ARHGAP28: variants seen among roughly 807,000 people sequenced by gnomAD.
ARHGAP28 encodes the protein rho GTPase-activating protein 28.
In ARHGAP28, 56 loss-of-function variants were observed where a neutral mutation model predicts 90.7. That is an observed-to-expected ratio of 0.62 (90% confidence interval 0.50 to 0.77). The LOEUF (loss-of-function observed/expected upper bound fraction) is 0.77, where lower values mean the gene tolerates loss of function less well. ARHGAP28 is among the 30% of genes least tolerant of loss of function. ARHGAP28 has a pLI of 0.00. For synonymous variants in ARHGAP28, 308 were observed against 323.3 expected (o/e 0.95, Z 0.51); for missense variants, 869 against 900.9 (o/e 0.96, Z 0.45).
chr18:6,804,447 G>T (rs371442647), intron 1 of ARHGAP28, among the ~76,000 whole-genome samples: 3 of 151,472 alleles, frequency 2.0e-5, no homozygotes, highest in East Asian at 3.9e-4. Context: ...TTTGGTTCTG[G>T]TACTTGTTAT....
intron 1 of ARHGAP28, among the ~76,000 whole-genome samples, chr18:6,759,346 A>C (rs897217083): frequency 2.0e-5 from 3 of 152,170 alleles, no homozygotes; most frequent in Non-Finnish European, 4.4e-5. Flanking sequence ...CACTTAGAAC[A>C]TTCTATGATC....
intron 1 of ARHGAP28, among the ~76,000 whole-genome samples, chr18:6,734,983 A>T (rs984967354): frequency 6.6e-6 from 1 of 152,108 alleles, no homozygotes; most frequent in African/African-American, 2.4e-5. Context: ...ATTTCCTTTG[A>T]TGGTATCATA....
At chr18:6,836,852 A>G (rs987472725) in intron 2 of ARHGAP28, among the ~76,000 whole-genome samples, 11 of 152,284 alleles carry the variant, frequency 7.2e-5, no homozygotes, top group African/African-American at 2.2e-4. Context: ...ACCAATTTGT[A>G]TTCCATTAAG....
intron 17 of ARHGAP28, among the ~76,000 whole-genome samples, chr18:6,909,898 C>T (rs2057386836): frequency 6.6e-6 from 1 of 152,140 alleles, no homozygotes; most frequent in African/African-American, 2.4e-5. Context: ...TCCCTCCCAA[C>T]TGTAGCATTT....
At chr18:6,744,087 C>T (rs998500005) in intron 1 of ARHGAP28, among the ~76,000 whole-genome samples, 3 of 151,894 alleles carry the variant, frequency 2.0e-5, no homozygotes, top group Non-Finnish European at 4.4e-5. Context: ...ATGTAACTAA[C>T]GTTTAGGGCT....
At chr18:6,865,207 A>C (rs2057029342) in intron 5 of ARHGAP28, among the ~76,000 whole-genome samples, 1 of 152,176 alleles carries the variant, frequency 6.6e-6, no homozygotes. Flanking sequence ...AACTTTGGCT[A>C]TTCTCATGGA....
rs568505433 is a variant in ARHGAP28 at position 6,783,332 on chromosome 18, G to A, written c.123-41430G>A. ...TTTTTTTTTTTTGAGATGGAGTTTC[G>A]CTCTTGTTACCAAGGCTGGAGTGCA... On this transcript the variant is annotated intron_variant, in intron 1 of 17. Coordinates refer to ENST00000383472, the MANE Select transcript of ARHGAP28 (RefSeq NM_001366230.1). 4.8e-4 allele frequency among the ~76,000 whole-genome samples: 69 copies of A among 143,008 alleles called. 1 individual carries two copies. Among genetic ancestry groups the A allele is most frequent in the African/African-American group, 1.3e-3 (49 of 38,262 alleles). The allele number at this position is 143,008 out of a possible 152,430, so 93.8% of individuals were successfully genotyped here.
chr18:6,909,307 T>TTCTTTTC (rs2057383403), intron 17 of ARHGAP28, among the ~76,000 whole-genome samples: 1 of 148,010 alleles, frequency 6.8e-6, no homozygotes, highest in African/African-American at 2.5e-5. Flanking sequence ...TTTCTTTTTT[T>TTCTTTTC]TTTGAGACAG....
rs540900241 is a variant in ARHGAP28, at chr18:6,795,856, A to G, written c.123-28906A>G. Reference sequence around the variant, plus strand: ...CTGGGCTTCCCTAAGTCCCTGTGTTAACCAGGATATGGCCTGGGACATCCC... The same window carrying G: ...CTGGGCTTCCCTAAGTCCCTGTGTTGACCAGGATATGGCCTGGGACATCCC... On this transcript the variant is annotated intron_variant, in intron 1 of 17. Coordinates refer to ENST00000383472, the MANE Select transcript of ARHGAP28 (RefSeq NM_001366230.1). 3.9e-5 allele frequency among the ~76,000 whole-genome samples: 6 copies of G among 152,374 alleles called. No homozygotes were observed. The South Asian group carries it at 1.2e-3, about 32-fold the overall frequency.
intron 10 of ARHGAP28, among the ~76,000 whole-genome samples, chr18:6,880,096 C>G (rs1007057254): frequency 1.3e-5 from 2 of 152,214 alleles, no homozygotes; most frequent in Non-Finnish European, 2.9e-5. Context: ...ACAATGTCCC[C>G]TTTGCTTTAC....
intron 1 of ARHGAP28, among the ~76,000 whole-genome samples, chr18:6,752,201 G>A (rs185494873): frequency 1.3e-5 from 2 of 152,128 alleles, no homozygotes; most frequent in Admixed American, 6.5e-5. Context: ...GACTAATAAG[G>A]TTTCTACTGA....
Position 6,903,897 on chromosome 18 carries a change from T to C in ARHGAP28, c.2031-5063T>C, listed in dbSNP as rs148673199. Among the ~76,000 whole-genome samples the C allele has an allele frequency of 8.6e-3, 1,223 of 142,748 alleles. 7 individuals carry two copies. Among genetic ancestry groups the C allele is most frequent in the Non-Finnish European group, 0.014 (914 of 65,012 alleles). The allele number at this position is 142,748 out of a possible 152,430, so 93.6% of individuals were successfully genotyped here. ...GGGCCATAAAACAAACCTCAACAAA[T>C]TTAAAATAATTGAAATCATACAAAG... On this transcript the variant is annotated intron_variant, in intron 16 of 17. Transcript: ENST00000383472.
intron 1 of ARHGAP28, among the ~76,000 whole-genome samples, chr18:6,745,834 A>G (rs1283560944): frequency 6.6e-6 from 1 of 152,166 alleles, no homozygotes; most frequent in African/African-American, 2.4e-5. Context: ...GTTTTATCCT[A>G]TTATTGTACC....
chr18:6,873,025 G>T (rs2057102245), intron 7 of ARHGAP28, among the ~76,000 whole-genome samples: 1 of 152,090 alleles, frequency 6.6e-6, no homozygotes, highest in Admixed American at 6.5e-5. Context: ...GCTCTCCTGG[G>T]ATATACCTAG....
intron 2 of ARHGAP28, among the ~76,000 whole-genome samples, chr18:6,828,157 C>A (rs1183567847): frequency 6.6e-6 from 1 of 152,146 alleles, no homozygotes; most frequent in African/African-American, 2.4e-5. Context: ...GAGACCAGCC[C>A]GGCCAACACA....
rs9953783 is a variant in ARHGAP28, at chr18:6,803,168, A to G, written c.123-21594A>G. Among the ~76,000 whole-genome samples, 550 of 152,268 alleles carry G rather than the reference A, an allele frequency of 3.6e-3. 3 individuals carry two copies. Among genetic ancestry groups the G allele is most frequent in the African/African-American group, 0.013 (523 of 41,562 alleles). On this transcript the variant is annotated intron_variant, in intron 1 of 17. Coordinates refer to ENST00000383472, the MANE Select transcript of ARHGAP28 (RefSeq NM_001366230.1). ...AGCAATCATCCAGGTCTTATCTGTG[A>G]CTTTAGGAAGAAAACATTTAGTCTT... is the stretch of plus-strand genomic sequence containing the variant.
rs1246790754 is a variant in ARHGAP28, at chr18:6,761,331, A to C, written c.122+31388A>C. ...TGTTTTCTTCATGTATATTACATTA[A>C]AATGTTTTTAAAGGCATGTGCATTA... On this transcript the variant is annotated intron_variant, in intron 1 of 17. Transcript: ENST00000383472. Among the ~76,000 whole-genome samples, 3 of 152,174 alleles carry C rather than the reference A, an allele frequency of 2.0e-5. No individual in the cohort carries two copies. In the East Asian group the frequency reaches 5.8e-4, roughly 29 times the overall value.
At chr18:6,911,608 G>T (rs1457679518) in intron 17 of ARHGAP28, among the ~76,000 whole-genome samples, 1 of 151,792 alleles carries the variant, frequency 6.6e-6, no homozygotes, top group African/African-American at 2.4e-5. Context: ...GCTAATTTTT[G>T]TATTTTTAGT....
intron 3 of ARHGAP28, 78 bp downstream of exon 3, chr18:6,837,492 A>G (rs1300657952): frequency 9.8e-7 from 1 of 1,022,506 alleles, no homozygotes; most frequent in Non-Finnish European, 1.5e-6. Context: ...GGGGTGGAAA[A>G]AATATCAGAA....
Sources: gnomAD v4.1 joint callset for allele counts (sites outside exome capture counted in the v4.1 genomes callset) on GRCh38, gnomAD v4.1.1 for gene constraint, MANE v1.5 for transcripts, NCBI Gene and HGNC (gene_info 2026-07-23, HGNC 2026-07-21) for gene names.